MGST1: variants seen among roughly 807,000 people sequenced by gnomAD.
MGST1 encodes the protein microsomal glutathione S-transferase 1, also known as glutathione S-transferase 12.
MGST1 carries 5 observed loss-of-function variants against 8.9 expected under a neutral mutation model. The ratio of observed to expected loss-of-function variants is 0.56; its 90% CI spans 0.29 to 1.19. MGST1 has a LOEUF of 1.19. MGST1 is among the 50% of genes most tolerant of loss of function. The pLI, the probability that MGST1 is intolerant of heterozygous loss-of-function variation, is 0.08. For missense variants in MGST1, 182 were observed against 187.4 expected, an observed-to-expected ratio of 0.97 and a Z score of 0.17; for synonymous variants, 54 against 67.8, an observed-to-expected ratio of 0.80 and a Z score of 1.00.
At position 16,499,828 on chromosome 12, in the gene MGST1, C is replaced by T. The variant is rs542559172; in HGVS notation, n.483-89700C>T. Reference sequence around the variant, plus strand: ...TGTGGAATCCTGGCAGATTAAACTACGAACACGATAGCACTGCATTCTTCT... The same window carrying T: ...TGTGGAATCCTGGCAGATTAAACTATGAACACGATAGCACTGCATTCTTCT... On this transcript the variant is annotated intron_variant and non_coding_transcript_variant, in intron 4 of 4. Coordinates refer to the MGST1 transcript ENST00000538857. Among the ~76,000 whole-genome samples, 26 of 152,236 alleles carry T rather than the reference C, an allele frequency of 1.7e-4. No homozygotes were observed. In the East Asian group the frequency reaches 4.8e-3, roughly 28 times the overall value.
intron 4 of MGST1, among the ~76,000 whole-genome samples, chr12:16,588,642 A>G (rs560449488): frequency 1.4e-4 from 21 of 152,220 alleles, no homozygotes; most frequent in African/African-American, 5.1e-4. Flanking sequence ...TTAATTTAAC[A>G]ATCCATTCCA....
upstream of MGST1, chr12:16,347,150 A>T (rs577618122): frequency 2.0e-5 from 3 of 152,170 alleles, no homozygotes; most frequent in African/African-American, 7.2e-5. The surrounding 1 kb of genome is among the most constrained non-coding windows in gnomAD (Gnocchi z 4.0). Context: ...CATCGTGACA[A>T]AGCAAATTGT....
intron 1 of MGST1, among the ~76,000 whole-genome samples, chr12:16,392,308 T>C (rs897345818): frequency 5.3e-5 from 8 of 152,356 alleles, no homozygotes; most frequent in South Asian, 4.1e-4. Context: ...TGATTTCCTA[T>C]AGTAAGAACA....
At chr12:16,384,077 C>T (rs1202083135) in intron 1 of MGST1, among the ~76,000 whole-genome samples, 3 of 152,062 alleles carry the variant, frequency 2.0e-5, no homozygotes, top group African/African-American at 7.2e-5. Context: ...AGTAGAAATT[C>T]CTCTGGTACA....
chr12:16,578,567 C>T (rs1053419469), intron 4 of MGST1, among the ~76,000 whole-genome samples: 4 of 152,220 alleles, frequency 2.6e-5, no homozygotes, highest in African/African-American at 9.6e-5. Context: ...CCTGTAATCC[C>T]AGCCCTTTGG....
chr12:16,508,440 C>T (rs185135957), intron 4 of MGST1, among the ~76,000 whole-genome samples: 16 of 152,190 alleles, frequency 1.1e-4, no homozygotes, highest in East Asian at 3.9e-4. Context: ...TTAGAACTCA[C>T]GGGGGAAGTC....
At chr12:16,421,820 C>T (rs1193053837) in intron 1 of MGST1, among the ~76,000 whole-genome samples, 2 of 152,286 alleles carry the variant, frequency 1.3e-5, no homozygotes, top group East Asian at 1.9e-4. Context: ...AATATATGTC[C>T]ATTTTGGTCA....
intron 1 of MGST1, among the ~76,000 whole-genome samples, chr12:16,391,328 C>A (rs552545287): frequency 6.6e-6 from 1 of 151,436 alleles, no homozygotes; most frequent in Non-Finnish European, 1.5e-5. Context: ...CCCCCCACCC[C>A]CCGACAGGCC....
intron 4 of MGST1, among the ~76,000 whole-genome samples, chr12:16,499,792 C>T (rs967580585): frequency 6.6e-6 from 1 of 152,114 alleles, no homozygotes; most frequent in East Asian, 1.9e-4. Flanking sequence ...TGACACCCAT[C>T]TTTTCTTGGC....
At chr12:16,551,361 G>C in intron 4 of MGST1, 1 of 1,251,964 alleles carries the variant, frequency 8.0e-7, no homozygotes, top group Non-Finnish European at 1.2e-6. Flanking sequence ...ATGTGGTTAA[G>C]ACCATTTCAC....
chr12:16,496,452 A>G (rs1163638008), intron 4 of MGST1, among the ~76,000 whole-genome samples: 2 of 152,170 alleles, frequency 1.3e-5, no homozygotes, highest in East Asian at 3.8e-4. Context: ...CACACAAAAC[A>G]GCAACACACA....
intron 1 of MGST1, chr12:16,402,518 G>T (rs1940666674): frequency 1.9e-6 from 2 of 1,054,254 alleles, no homozygotes; most frequent in Non-Finnish European, 2.8e-6. Context: ...CTTATTCTTG[G>T]TTAGATTTAT....
At chr12:16,528,818 C>T (rs1417717234) in intron 4 of MGST1, among the ~76,000 whole-genome samples, 1 of 151,928 alleles carries the variant, frequency 6.6e-6, no homozygotes, top group Non-Finnish European at 1.5e-5. Flanking sequence ...CCAAGAAGAG[C>T]CCATGTGGAT....
At chr12:16,415,273 C>T (rs1383785580) in intron 1 of MGST1, among the ~76,000 whole-genome samples, 1 of 152,172 alleles carries the variant, frequency 6.6e-6, no homozygotes, top group African/African-American at 2.4e-5. Flanking sequence ...GTTTATTTCA[C>T]AATGCCTTAA....
chr12:16,516,328 T>A (rs1178147651), intron 4 of MGST1, among the ~76,000 whole-genome samples: 1 of 152,226 alleles, frequency 6.6e-6, no homozygotes, highest in Non-Finnish European at 1.5e-5. Flanking sequence ...GAGTCATTAT[T>A]AGCCATACAG....
At position 16,353,757 on chromosome 12, in the gene MGST1, C is replaced by CTTTT. The variant is rs11387725; in HGVS notation, c.-22-457_-22-454dup. On this transcript the variant is annotated intron_variant, in intron 1 of 3. Transcript: ENST00000396210. ...ACTAGATAAAATATAATATTGCATA[C>CTTTT]TTTTTTTTTTTTTTTTTTTTGAGAT... Among the ~76,000 whole-genome samples, 23 of 111,460 alleles carry CTTTT rather than the reference C, an allele frequency of 2.1e-4. 1 individual carries two copies. The highest frequency in any genetic ancestry group is 3.6e-4 in the African/African-American group (10 of 27,744). The allele number at this position is 111,460 out of a possible 152,430, so 73.1% of individuals were successfully genotyped here.
Position 16,497,100 on chromosome 12 carries a change from C to T in MGST1, n.483-92428C>T, listed in dbSNP as rs771079995. Among the ~76,000 whole-genome samples the T allele has an allele frequency of 3.9e-5, 6 of 152,082 alleles. No individual in the cohort carries two copies. The highest frequency in any genetic ancestry group is 4.8e-5 in the African/African-American group (2 of 41,428). Reference sequence around the variant, plus strand: ...CTTAGAAGAGAAAGAAATATTTAATCCTATGCCAGAAGGGAAAAGATGAGA... The same window carrying T: ...CTTAGAAGAGAAAGAAATATTTAATTCTATGCCAGAAGGGAAAAGATGAGA... On this transcript the variant is annotated intron_variant and non_coding_transcript_variant, in intron 4 of 4. Coordinates refer to the MGST1 transcript ENST00000538857. The surrounding 1 kb of genome is among the most constrained non-coding windows in gnomAD (Gnocchi z 4.4).
At chr12:16,496,983 G>C (rs1941474913) in intron 4 of MGST1, among the ~76,000 whole-genome samples, 1 of 152,250 alleles carries the variant, frequency 6.6e-6, no homozygotes, top group East Asian at 1.9e-4. Context: ...AAGCTTAGCA[G>C]CTATTAATTG....
At chr12:16,455,394 C>T (rs1218409619) in intron 4 of MGST1, among the ~76,000 whole-genome samples, 2 of 151,712 alleles carry the variant, frequency 1.3e-5, no homozygotes, top group African/African-American at 4.8e-5. Flanking sequence ...CACTCTTAAC[C>T]ACTGATTTCA....
Sources: allele counts gnomAD v4.1 joint callset (sites outside exome capture counted in the v4.1 genomes callset), GRCh38; gene constraint gnomAD v4.1.1; non-coding constraint Gnocchi (gnomAD v3.1); transcripts MANE v1.5; gene names NCBI Gene and HGNC (gene_info 2026-07-23, HGNC 2026-07-21).